The following ATF7 variants were observed in gnomAD, a reference collection of about 807,000 sequenced individuals.
ATF7 encodes the protein cyclic AMP-dependent transcription factor ATF-7.
ATF7 carries 10 observed loss-of-function variants against 50.4 expected under a neutral mutation model. The observed-to-expected ratio is 0.20, with a 90% confidence interval of 0.12 to 0.34. The LOEUF is 0.34. ATF7 is among the 10% of genes least tolerant of loss of function. The pLI is 1.00. For synonymous variants in ATF7, 201 were observed against 226.4 expected, an observed-to-expected ratio of 0.89 and a Z score of 1.01; for missense variants, 465 against 613.9, an observed-to-expected ratio of 0.76 and a Z score of 2.56.
At chr12:53,564,816 G>A (rs1235981609) in intron 2 of ATF7, among the ~76,000 whole-genome samples, 1 of 152,120 alleles carries the variant, frequency 6.6e-6, no homozygotes, top group Non-Finnish European at 1.5e-5. Flanking sequence ...CATGCAGCCC[G>A]GAATGGCTTT....
intron 5 of ATF7, among the ~76,000 whole-genome samples, chr12:53,535,741 C>T (rs764442415): frequency 4.3e-4 from 65 of 152,174 alleles, no homozygotes; most frequent in Non-Finnish European, 5.0e-4. Flanking sequence ...TCACTTCTCT[C>T]TAGGATGACA....
intron 2 of ATF7, among the ~76,000 whole-genome samples, chr12:53,599,560 G>A (rs1049517725): frequency 2.0e-5 from 3 of 151,822 alleles, no homozygotes; most frequent in Non-Finnish European, 4.4e-5. Context: ...CCCTAGGATG[G>A]CAAATACTGC....
intron 2 of ATF7, among the ~76,000 whole-genome samples, chr12:53,566,964 G>A (rs1159773716): frequency 1.3e-5 from 2 of 152,140 alleles, no homozygotes; most frequent in African/African-American, 4.8e-5. Context: ...ATCTTGGTCA[G>A]GCTAGTCTCG....
chr12:53,526,076 G>A (rs1157434703), intron 9 of ATF7, among the ~76,000 whole-genome samples: 3 of 152,028 alleles, frequency 2.0e-5, no homozygotes, highest in African/African-American at 7.2e-5. Context: ...CAGGCATGGT[G>A]GCGCATGCCT....
At chr12:53,590,651 C>A (rs1012244616) in intron 2 of ATF7, among the ~76,000 whole-genome samples, 1 of 152,186 alleles carries the variant, frequency 6.6e-6, no homozygotes, top group African/African-American at 2.4e-5. Flanking sequence ...AAAGGCTGGG[C>A]CACCTAAATC....
chr12:53,532,535 T>C lies in ATF7; in HGVS notation c.749A>G (p.His250Arg). 1 of 1,602,068 alleles carries C rather than the reference T, an allele frequency of 6.2e-7. No homozygotes were observed. The highest frequency in any genetic ancestry group is 8.5e-7 in the Non-Finnish European group (1 of 1,174,790). ...CATCTTGGCTTCTGATGGTATAGGG[T>C]GGCCAGAGGGAGAAATGGAGCCACT... The part of the protein sequence containing the change: ...NSSGSISPSG[H>R]PIPSEAKMRL... Residue 250 changes from histidine to arginine, a missense_variant, in exon 8 of 12, where the codon CAC becomes CGC. His to Arg is a conservative substitution (Grantham distance 29). Transcript: ENST00000420353.
intron 1 of ATF7, among the ~76,000 whole-genome samples, chr12:53,609,698 CATA>C (rs1286854429): frequency 6.0e-5 from 9 of 150,956 alleles, no homozygotes; most frequent in African/African-American, 2.2e-4. Flanking sequence ...AATTATTTAG[CATA>C]ATAATAGTTT....
intron 2 of ATF7, among the ~76,000 whole-genome samples, chr12:53,596,872 CTA>C (rs1943179456): frequency 6.6e-6 from 1 of 152,022 alleles, no homozygotes; most frequent in African/African-American, 2.4e-5. Context: ...TAAATAGATG[CTA>C]TCTTATAAAC....
chr12:53,617,233 G>C (rs1017282380), intron 1 of ATF7, among the ~76,000 whole-genome samples: 4 of 152,094 alleles, frequency 2.6e-5, no homozygotes, highest in African/African-American at 9.7e-5. Context: ...ATGTTGCCCA[G>C]GCTGGTCTCG....
intron 8 of ATF7, among the ~76,000 whole-genome samples, chr12:53,532,126 G>A (rs1369458190): frequency 6.6e-6 from 1 of 152,130 alleles, no homozygotes; most frequent in Non-Finnish European, 1.5e-5. Context: ...TGGGGGCTGG[G>A]GGTTGTTAAA....
intron 2 of ATF7, among the ~76,000 whole-genome samples, chr12:53,564,885 A>AT (rs933469402): frequency 5.3e-4 from 80 of 150,148 alleles, no homozygotes; most frequent in South Asian, 2.5e-3. Flanking sequence ...TTTTTTGGCG[A>AT]TTTTTTTTTT....
intron 2 of ATF7, among the ~76,000 whole-genome samples, chr12:53,559,952 C>A (rs576031418): frequency 1.3e-5 from 2 of 151,972 alleles, no homozygotes; most frequent in African/African-American, 4.8e-5. Context: ...GATGGAGTTT[C>A]GCTCTTGTTG....
chr12:53,530,210 G>C (rs546596917), intron 9 of ATF7, among the ~76,000 whole-genome samples: 2 of 152,292 alleles, frequency 1.3e-5, no homozygotes, highest in East Asian at 3.9e-4. Context: ...GCTTCCAACA[G>C]GAAAACTCAA....
downstream of ATF7, among the ~76,000 whole-genome samples, chr12:53,511,525 C>T (rs912671308): frequency 1.1e-4 from 17 of 152,234 alleles, no homozygotes; most frequent in Non-Finnish European, 1.9e-4. Flanking sequence ...GCTGGGATTA[C>T]AGGCATGAGC....
rs531689586 is a variant in ATF7, at chr12:53,550,151, C to T, written c.145+2390G>A. Among the ~76,000 whole-genome samples, 760 of 151,626 alleles carry T rather than the reference C, an allele frequency of 5.0e-3. 6 individuals are homozygous for T. Among genetic ancestry groups the T allele is most frequent in the South Asian group, 0.044 (210 of 4,808 alleles). ...CAGCCTGGCCAACATGGTGAAATCC[C>T]GTCTCTACTAAAAATACAAAAATTA... On this transcript the variant is annotated intron_variant, in intron 3 of 11. Transcript: ENST00000420353.
At chr12:53,558,005 T>C (rs1940858401) in intron 2 of ATF7, among the ~76,000 whole-genome samples, 2 of 152,240 alleles carry the variant, frequency 1.3e-5, no homozygotes, top group South Asian at 2.1e-4. Context: ...AAAACTTACC[T>C]ATGTGGCTCA....
chr12:53,573,725 T>C (rs1941901447), intron 2 of ATF7, among the ~76,000 whole-genome samples: 1 of 152,184 alleles, frequency 6.6e-6, no homozygotes, highest in South Asian at 2.1e-4. Flanking sequence ...TCTGTTCTTC[T>C]TTACAAGGCC....
chr12:53,591,703 G>C (rs1164390776), intron 2 of ATF7, among the ~76,000 whole-genome samples: 4 of 152,152 alleles, frequency 2.6e-5, no homozygotes, highest in African/African-American at 9.7e-5. Flanking sequence ...TCTGACCCTT[G>C]GGAGGAGAAA....
chr12:53,595,676 A>T (rs181023451), intron 2 of ATF7, among the ~76,000 whole-genome samples: 2 of 152,204 alleles, frequency 1.3e-5, no homozygotes, highest in East Asian at 3.9e-4. Flanking sequence ...TTAAATGCCA[A>T]GTGAAGCCAG....
Sources: gnomAD v4.1 joint callset for allele counts (sites outside exome capture counted in the v4.1 genomes callset) on GRCh38, gnomAD v4.1.1 for gene constraint, MANE v1.5 for transcripts, NCBI Gene and HGNC (gene_info 2026-07-23, HGNC 2026-07-21) for gene names.